The following CHST9 variants were observed in gnomAD, a reference collection of about 807,000 sequenced individuals.
CHST9 encodes the protein GalNAc-4-sulfotransferase 2.
In CHST9, 41 loss-of-function variants were observed where a neutral mutation model predicts 44.4. The observed-to-expected ratio is 0.92, with a 90% CI of 0.72 to 1.20. The LOEUF (loss-of-function observed/expected upper bound fraction) is 1.20. Ranked by LOEUF, CHST9 falls within the 50% of genes most tolerant of loss-of-function variation. The pLI, the probability that CHST9 is intolerant of heterozygous loss-of-function variation, is 0.00. For synonymous variants in CHST9, 171 were observed against 178.4 expected (o/e 0.96, Z 0.33); for missense variants, 504 against 516.5 (o/e 0.98, Z 0.23).
intron 3 of CHST9, among the ~76,000 whole-genome samples, chr18:27,037,065 T>C (rs1435570769): frequency 6.6e-6 from 1 of 152,214 alleles, no homozygotes; most frequent in African/African-American, 2.4e-5. Context: ...AGAGAGGTCC[T>C]TCATCAATGA....
intron 2 of CHST9, among the ~76,000 whole-genome samples, chr18:27,109,517 T>C (rs916909890): frequency 6.6e-6 from 1 of 152,238 alleles, no homozygotes; most frequent in Non-Finnish European, 1.5e-5. Flanking sequence ...AGTTGAAGAC[T>C]ACGCAAAGCG....
At chr18:26,984,406 A>T (rs542412586) in intron 4 of CHST9, among the ~76,000 whole-genome samples, 15 of 152,304 alleles carry the variant, frequency 9.8e-5, no homozygotes, top group African/African-American at 3.4e-4. Context: ...GGTAAATGAT[A>T]AAGCTTTTAG....
At chr18:27,178,377 A>T (rs1032825752) in intron 1 of CHST9, among the ~76,000 whole-genome samples, 3 of 152,032 alleles carry the variant, frequency 2.0e-5, no homozygotes, top group African/African-American at 7.2e-5. Context: ...ACAATGGCCT[A>T]AAAATATGTA....
intron 2 of CHST9, among the ~76,000 whole-genome samples, chr18:27,069,387 G>A (rs530734702): frequency 1.3e-5 from 2 of 152,092 alleles, no homozygotes; most frequent in African/African-American, 4.8e-5. Flanking sequence ...CAATAAGCCT[G>A]TGAGACAATT....
At chr18:26,922,654 G>T (rs575250234) in intron 5 of CHST9, among the ~76,000 whole-genome samples, 1 of 128,404 alleles carries the variant, frequency 7.8e-6, no homozygotes, top group East Asian at 2.7e-4. Flanking sequence ...TATTTATTTT[G>T]AGATGGAATC....
rs142340768 is a variant in CHST9 at position 27,082,295 on chromosome 18, C to T, written c.122-33792G>A. On this transcript the variant is annotated intron_variant, in intron 2 of 5. Transcript: ENST00000618847. ...TAAGCATAAAAGAAATTATAATATA[C>T]TAACTTCAATGAGTTTTCCTACTAT... is the stretch of plus-strand genomic sequence containing the variant. 4.7e-3 allele frequency among the ~76,000 whole-genome samples: 720 copies of T among 152,304 alleles called. 3 individuals are homozygous for T. Among genetic ancestry groups the T allele is most frequent in the Non-Finnish European group, 7.7e-3 (524 of 68,028 alleles).
At chr18:27,185,030 G>C (rs2058944980) in intron 1 of CHST9, 106 bp downstream of exon 1, 1 of 152,524 alleles carries the variant, frequency 6.6e-6, no homozygotes, top group Non-Finnish European at 1.5e-5. Flanking sequence ...GAGGGCGCAC[G>C]TCCCCGCCCA....
intron 4 of CHST9, among the ~76,000 whole-genome samples, chr18:26,977,611 C>A (rs941062676): frequency 6.6e-6 from 1 of 152,090 alleles, no homozygotes; most frequent in African/African-American, 2.4e-5. Context: ...AATTTTCTTT[C>A]CCTATCCATT....
chr18:26,979,507 T>G (rs1316117411), intron 4 of CHST9, among the ~76,000 whole-genome samples: 2 of 152,158 alleles, frequency 1.3e-5, no homozygotes, highest in Admixed American at 6.6e-5. Context: ...TCAAAACTCA[T>G]GTTCTTCCTC....
intron 1 of CHST9, among the ~76,000 whole-genome samples, chr18:27,166,715 T>C (rs999443782): frequency 2.0e-5 from 3 of 152,244 alleles, no homozygotes; most frequent in Non-Finnish European, 1.5e-5. Context: ...TTTGCCTATG[T>C]AGGGGAGGAA....
intron 2 of CHST9, among the ~76,000 whole-genome samples, chr18:27,088,612 TC>T: frequency 6.6e-6 from 1 of 152,118 alleles, no homozygotes; most frequent in Admixed American, 6.6e-5. Flanking sequence ...CCAGATGATC[TC>T]GATCTCTTGA....
At position 27,000,622 on chromosome 18, in the gene CHST9, G is replaced by GTCTATCTACCTACCTATCTATCTA. The variant is rs1555675551; in HGVS notation, c.202+23493_202+23494insTAGATAGATAGGTAGGTAGATAGA. Among the ~76,000 whole-genome samples, 963 of 147,592 alleles carry GTCTATCTACCTACCTATCTATCTA rather than the reference G, an allele frequency of 6.5e-3. 9 individuals carry two copies. The highest frequency in any genetic ancestry group is 0.022 in the African/African-American group (885 of 40,456). ...TTTCTCTCCATCATTTATTTGTTTTGTCTATCTATCTATCTATCTATCTAT... is the reference window on the plus strand; with the variant it reads ...TTTCTCTCCATCATTTATTTGTTTTGTCTATCTACCTACCTATCTATCTATCTATCTATCTATCTATCTATCTAT... On this transcript the variant is annotated intron_variant, in intron 4 of 5. Transcript: ENST00000618847.
At chr18:27,011,840 T>C (rs530730030) in intron 4 of CHST9, among the ~76,000 whole-genome samples, 2 of 152,234 alleles carry the variant, frequency 1.3e-5, no homozygotes, top group Non-Finnish European at 2.9e-5. Context: ...TCAGGAGAGT[T>C]CCCACAAGGC....
At chr18:27,019,647 C>T (rs575276290) in intron 4 of CHST9, among the ~76,000 whole-genome samples, 36 of 133,680 alleles carry the variant, frequency 2.7e-4, no homozygotes, top group African/African-American at 7.6e-4. Context: ...CCGTCAAGGA[C>T]GCACAGAACT....
intron 2 of CHST9, among the ~76,000 whole-genome samples, chr18:27,057,748 C>T (rs2057674156): frequency 6.6e-6 from 1 of 152,234 alleles, no homozygotes; most frequent in Non-Finnish European, 1.5e-5. Flanking sequence ...ACTCCCCAGC[C>T]CTGGGGTCTG....
intron 5 of CHST9, among the ~76,000 whole-genome samples, chr18:26,920,023 CTTG>C (rs1176275674): frequency 1.3e-5 from 2 of 152,198 alleles, no homozygotes; most frequent in African/African-American, 4.8e-5. Context: ...TCCCCCTCCT[CTTG>C]TTGTCATCTA....
intron 1 of CHST9, among the ~76,000 whole-genome samples, chr18:27,174,473 C>T (rs1418416622): frequency 6.6e-6 from 1 of 151,906 alleles, no homozygotes; most frequent in Non-Finnish European, 1.5e-5. Context: ...CTAGTGATGT[C>T]AAGTCTGATC....
intron 1 of CHST9, among the ~76,000 whole-genome samples, chr18:27,151,697 T>C (rs145644116): frequency 1.6e-3 from 249 of 152,110 alleles, no homozygotes; most frequent in East Asian, 0.012. Context: ...CTTTGTTCAT[T>C]TGGGGGATAA....
At chr18:27,054,443 T>A (rs1178609692) in intron 2 of CHST9, among the ~76,000 whole-genome samples, 1 of 152,052 alleles carries the variant, frequency 6.6e-6, no homozygotes, top group Non-Finnish European at 1.5e-5. Context: ...CATAACCTCA[T>A]AAAAATTGAA....
Sources: allele counts gnomAD v4.1 joint callset (sites outside exome capture counted in the v4.1 genomes callset), GRCh38; gene constraint gnomAD v4.1.1; transcripts MANE v1.5; gene names NCBI Gene and HGNC (gene_info 2026-07-23, HGNC 2026-07-21).